KCNAB1: variants seen among roughly 807,000 people sequenced by gnomAD.
The protein encoded by KCNAB1 is voltage-gated potassium channel subunit beta-1.
In KCNAB1, 35 loss-of-function variants were observed where a neutral mutation model predicts 64.6. That is an observed-to-expected ratio of 0.54 (90% confidence interval 0.41 to 0.72). The LOEUF is 0.72. KCNAB1 is among the 30% of genes least tolerant of loss of function. The pLI is 0.00. For synonymous variants in KCNAB1, 177 were observed against 183.8 expected (o/e 0.96, Z 0.30); for missense variants, 401 against 512.9 (o/e 0.78, Z 2.11).
chr3:156,363,400 AT>A (rs1725736403), intron 1 of KCNAB1, among the ~76,000 whole-genome samples: 1 of 152,238 alleles, frequency 6.6e-6, no homozygotes, highest in Admixed American at 6.5e-5. Flanking sequence ...TTCACAAATA[AT>A]CCAATTAAAT....
At chr3:156,453,867 A>G (rs1712196804) in intron 3 of KCNAB1, among the ~76,000 whole-genome samples, 1 of 152,226 alleles carries the variant, frequency 6.6e-6, no homozygotes, top group Admixed American at 6.5e-5. Context: ...CATCAATAAA[A>G]TGCTCTAACC....
chr3:156,226,583 T>C (rs1355120459), intron 1 of KCNAB1, among the ~76,000 whole-genome samples: 7 of 152,052 alleles, frequency 4.6e-5, no homozygotes, highest in Non-Finnish European at 7.4e-5. Flanking sequence ...ACTAAAAAGC[T>C]CCTGCACAGC....
At chr3:156,373,040 T>C (rs1241599455) in intron 1 of KCNAB1, among the ~76,000 whole-genome samples, 5 of 152,244 alleles carry the variant, frequency 3.3e-5, no homozygotes, top group Admixed American at 6.5e-5. Context: ...TAAAATTATG[T>C]GTAAATTATA....
chr3:156,238,272 A>C (rs1000250583), intron 1 of KCNAB1, among the ~76,000 whole-genome samples: 1 of 152,016 alleles, frequency 6.6e-6, no homozygotes, highest in African/African-American at 2.4e-5. Context: ...AATACAAAAA[A>C]TTAGCTGGCC....
intron 8 of KCNAB1, among the ~76,000 whole-genome samples, chr3:156,492,972 T>C (rs1352972146): frequency 6.6e-6 from 1 of 152,194 alleles, no homozygotes. Flanking sequence ...GAGCATTGAC[T>C]CTTTAAATAC....
chr3:156,332,160 T>A (rs541697131), intron 1 of KCNAB1, among the ~76,000 whole-genome samples: 2 of 152,316 alleles, frequency 1.3e-5, no homozygotes, highest in African/African-American at 4.8e-5. Context: ...ATGAGTTTGG[T>A]TACCAAAAAA....
At chr3:156,298,282 G>A (rs1159164233) in intron 1 of KCNAB1, among the ~76,000 whole-genome samples, 11 of 152,218 alleles carry the variant, frequency 7.2e-5, no homozygotes, top group Admixed American at 7.2e-4. Context: ...CTGTGTATGT[G>A]TGTGTGTGCA....
At chr3:156,361,134 C>T (rs1308904043) in intron 1 of KCNAB1, among the ~76,000 whole-genome samples, 3 of 152,216 alleles carry the variant, frequency 2.0e-5, no homozygotes, top group African/African-American at 7.2e-5. Context: ...TTCCCCAGAG[C>T]TTTACCGCCC....
intron 1 of KCNAB1, among the ~76,000 whole-genome samples, chr3:156,159,485 G>A (rs80157624): frequency 2.6e-5 from 4 of 152,200 alleles, no homozygotes; most frequent in Admixed American, 6.5e-5. Flanking sequence ...TTTATAAGGC[G>A]GTTAGCCTCC....
intron 1 of KCNAB1, among the ~76,000 whole-genome samples, chr3:156,379,795 G>A (rs1005569888): frequency 6.6e-6 from 1 of 152,182 alleles, no homozygotes; most frequent in African/African-American, 2.4e-5. Context: ...AGGGGCTTAG[G>A]TTAGAGGCAC....
At chr3:156,470,525 A>G (rs1713806983) in intron 7 of KCNAB1, among the ~76,000 whole-genome samples, 1 of 152,198 alleles carries the variant, frequency 6.6e-6, no homozygotes, top group South Asian at 2.1e-4. Flanking sequence ...TTAAAATAAA[A>G]TACATTCCTT....
intron 1 of KCNAB1, among the ~76,000 whole-genome samples, chr3:156,125,523 T>C (rs1713605883): frequency 6.6e-6 from 1 of 152,226 alleles, no homozygotes; most frequent in Non-Finnish European, 1.5e-5. Flanking sequence ...TGACTGAACC[T>C]ATTAAATTGA....
chr3:156,276,981 T>A (rs1182852419), intron 1 of KCNAB1, among the ~76,000 whole-genome samples: 4 of 152,218 alleles, frequency 2.6e-5, no homozygotes. Context: ...CTGTCTAGGC[T>A]TTTGACATGC....
chr3:156,207,889 G>A (rs1324132158), intron 1 of KCNAB1, among the ~76,000 whole-genome samples: 1 of 152,170 alleles, frequency 6.6e-6, no homozygotes, highest in African/African-American at 2.4e-5. Context: ...TGGGTGAAAT[G>A]AGGTTAAAAC....
chr3:156,204,402 A>G (rs1023368892), intron 1 of KCNAB1, among the ~76,000 whole-genome samples: 1 of 152,180 alleles, frequency 6.6e-6, no homozygotes, highest in Admixed American at 6.5e-5. Context: ...AGGGTTTGGT[A>G]GGCTCCTTTT....
chr3:156,384,207 G>A (rs1361070881), intron 1 of KCNAB1, among the ~76,000 whole-genome samples: 1 of 152,202 alleles, frequency 6.6e-6, no homozygotes, highest in Non-Finnish European at 1.5e-5. Context: ...GTTGGAAAAT[G>A]GTGAAACCCA....
At chr3:156,331,601 G>A (rs955376907) in intron 1 of KCNAB1, among the ~76,000 whole-genome samples, 4 of 151,860 alleles carry the variant, frequency 2.6e-5, no homozygotes, top group East Asian at 1.9e-4. Context: ...AAAATTTAGA[G>A]TATTTTCTTT....
chr3:156,250,779 A>G (rs1180057379), intron 1 of KCNAB1, among the ~76,000 whole-genome samples: 1 of 152,028 alleles, frequency 6.6e-6, no homozygotes, highest in Non-Finnish European at 1.5e-5. Context: ...CCCCAGAGAT[A>G]AAAGAGTGAC....
intron 8 of KCNAB1, among the ~76,000 whole-genome samples, chr3:156,491,865 A>G (rs1715655432): frequency 1.3e-5 from 2 of 152,138 alleles, no homozygotes; most frequent in African/African-American, 4.8e-5. Context: ...AGGAAACAAT[A>G]AAAAGAACAG....
Sources: allele counts gnomAD v4.1 joint callset (sites outside exome capture counted in the v4.1 genomes callset), GRCh38; gene constraint gnomAD v4.1.1; transcripts MANE v1.5; gene names NCBI Gene and HGNC (gene_info 2026-07-23, HGNC 2026-07-21).